The following COX15 variants were observed in gnomAD, a reference collection of about 807,000 sequenced individuals.
COX15 encodes the protein heme A synthase COX15.
A neutral mutation model predicts 51.9 loss-of-function variants in COX15; 51 were observed. The observed-to-expected ratio is 0.98, with a 90% CI of 0.78 to 1.24. COX15 has a LOEUF of 1.24. Among genes scored for constraint, COX15 ranks in the 50% most tolerant of loss-of-function variants. The pLI is 0.00. For synonymous variants in COX15, 188 were observed against 190.5 expected (o/e 0.99, Z 0.11); for missense variants, 420 against 501.1 (o/e 0.84, Z 1.55).
intron 4 of COX15, among the ~76,000 whole-genome samples, chr10:99,726,415 G>A (rs150704098): frequency 1.2e-4 from 18 of 152,182 alleles, no homozygotes; most frequent in Admixed American, 8.5e-4. Flanking sequence ...ATATTTACAC[G>A]ACTGTACATG....
At position 99,714,136 on chromosome 10, in the gene COX15, C is replaced by A; in HGVS notation, c.*451G>T. 1 of 1,011,820 alleles carries A rather than the reference C, an allele frequency of 9.9e-7. No homozygotes were observed. Among genetic ancestry groups the A allele is most frequent in the Non-Finnish European group, 1.2e-6 (1 of 845,746 alleles). 62.7% of individuals were successfully genotyped at this position (1,011,820 alleles called of 1,614,324 possible). On this transcript the variant is annotated 3_prime_UTR_variant, in exon 9 of 9. Transcript: ENST00000016171. ...TTAGCTTTTTTTTTTTTGCTGAAGACCAGCTGGCTACTTTGGGTATGTCAA... is the reference window on the plus strand; with the variant it reads ...TTAGCTTTTTTTTTTTTGCTGAAGAACAGCTGGCTACTTTGGGTATGTCAA...
At chr10:99,725,087 A>T (rs2036907516) in intron 4 of COX15, among the ~76,000 whole-genome samples, 1 of 152,256 alleles carries the variant, frequency 6.6e-6, no homozygotes, top group Non-Finnish European at 1.5e-5. Flanking sequence ...TATGTATCAT[A>T]TTCTATGATT....
intron 7 of COX15, 113 bp from the exon 8 acceptor site, chr10:99,716,574 G>C (rs1270497436): frequency 5.5e-6 from 4 of 731,192 alleles, no homozygotes; most frequent in Non-Finnish European, 9.7e-6. Flanking sequence ...TCCTGTACCA[G>C]TCACAGAGAA....
chr10:99,696,995 C>T, the COX15 span, among the ~76,000 whole-genome samples: 1 of 152,216 alleles, frequency 6.6e-6, no homozygotes, highest in Admixed American at 6.5e-5. Flanking sequence ...GCAAACAACA[C>T]ACTTACCTAC....
the COX15 span, among the ~76,000 whole-genome samples, chr10:99,703,060 C>G: frequency 6.6e-6 from 1 of 152,192 alleles, no homozygotes; most frequent in Non-Finnish European, 1.5e-5. Flanking sequence ...GGTAGGATGT[C>G]TAGAGCAATC....
At chr10:99,703,767 G>A in the COX15 span, among the ~76,000 whole-genome samples, 1 of 152,096 alleles carries the variant, frequency 6.6e-6, no homozygotes, top group Non-Finnish European at 1.5e-5. Flanking sequence ...CCCAGGCTGA[G>A]TGTGGTGGCA....
At position 99,711,101 on chromosome 10, in the gene COX15, C is replaced by CA. The variant is rs11405417; in HGVS notation, c.*3485dup. 0.85 allele frequency: 829,605 copies of CA among 975,856 alleles called. 352,993 individuals carry two copies. The highest frequency in any genetic ancestry group is 0.89 in the Middle Eastern group (1,695 of 1,902). 60.4% of individuals were successfully genotyped at this position (975,856 alleles called of 1,614,324 possible). ...GGGAGTGCTGGGAATAACATAAATA[C>CA]AAAAAAAACCCTAAGATAATCATTC... On this transcript the variant is annotated 3_prime_UTR_variant, in exon 9 of 9. Coordinates refer to ENST00000016171, the MANE Select transcript of COX15 (RefSeq NM_078470.6).
intron 1 of COX15, among the ~76,000 whole-genome samples, chr10:99,730,574 A>C (rs1263574517): frequency 9.7e-6 from 1 of 103,346 alleles, no homozygotes; most frequent in Admixed American, 1.1e-4. Context: ...ATGAAGTGAG[A>C]CTCCATCTCT....
the COX15 span, chr10:99,702,621 G>A: frequency 6.2e-7 from 1 of 1,613,714 alleles, no homozygotes; most frequent in Non-Finnish European, 8.5e-7. Context: ...TGACCGAGAG[G>A]TTCAGTGGAC....
chr10:99,708,755 A>T, downstream of COX15: 2 of 855,378 alleles, frequency 2.3e-6, no homozygotes, highest in Non-Finnish European at 2.8e-6. Flanking sequence ...CCCTTGATTT[A>T]TATGGGTGAT....
At chr10:99,704,389 G>GT in the COX15 span, 1 of 1,535,096 alleles carries the variant, frequency 6.5e-7, no homozygotes, top group Non-Finnish European at 9.0e-7. Flanking sequence ...TTTCAAATCA[G>GT]TAAATGTCTC....
chr10:99,709,309 C>T (rs2036313317), downstream of COX15: 4 of 985,184 alleles, frequency 4.1e-6, no homozygotes, highest in South Asian at 1.9e-4. Context: ...ATCTAATTGT[C>T]CTTTTTGCTG....
At chr10:99,719,544 G>A (rs6584319) in intron 6 of COX15, among the ~76,000 whole-genome samples, 127,851 of 152,010 alleles carry the variant, frequency 0.84, 54,001 homozygotes, top group Middle Eastern at 0.92. Context: ...AGGCTGGAGT[G>A]CAGCAGCGCA....
At chr10:99,710,047 C>T (rs549833297), downstream of COX15, 1 of 985,428 alleles carries the variant, frequency 1.0e-6, no homozygotes, top group South Asian at 4.7e-5. Context: ...TATAGCCACA[C>T]ATGCATGACT....
chr10:99,694,694 G>A, the COX15 span, among the ~76,000 whole-genome samples: 1 of 151,950 alleles, frequency 6.6e-6, no homozygotes, highest in African/African-American at 2.4e-5. Context: ...CCACCACCAT[G>A]CCTGGCTAAT....
Position 99,711,065 on chromosome 10 carries a change from GAT to G in COX15, c.*3520_*3521del. 2 of 983,354 alleles carry G rather than the reference GAT, an allele frequency of 2.0e-6. No individual in the cohort carries two copies. The highest frequency in any genetic ancestry group is 2.4e-6 in the Non-Finnish European group (2 of 829,516). 60.9% of individuals were successfully genotyped at this position (983,354 alleles called of 1,614,324 possible). A position where few individuals can be genotyped will look rare whatever the true frequency, so the allele number is the denominator to read the frequency against. On this transcript the variant is annotated 3_prime_UTR_variant, in exon 9 of 9. Coordinates refer to ENST00000016171, the MANE Select transcript of COX15 (RefSeq NM_078470.6). ...TCATGCATTCACTAATTCAATATTTGATATGTGTCTGGGAGTGCTGGGAATAA... is the reference window on the plus strand; with the variant it reads ...TCATGCATTCACTAATTCAATATTTGATGTGTCTGGGAGTGCTGGGAATAA...
chr10:99,709,280 A>C, downstream of COX15: 2 of 985,400 alleles, frequency 2.0e-6, no homozygotes, highest in Non-Finnish European at 2.4e-6. Context: ...TAAACTTTTC[A>C]AATTAATTCA....
At position 99,715,986 on chromosome 10, in the gene COX15, CTTTTTTT is replaced by C. The variant is rs35354032; in HGVS notation, c.1101+355_1101+361del. Among the ~76,000 whole-genome samples, 16 of 130,180 alleles carry C rather than the reference CTTTTTTT, an allele frequency of 1.2e-4. No individual in the cohort carries two copies. The East Asian group carries it at 3.3e-3, about 27-fold the overall frequency. The allele number at this position is 130,180 out of a possible 152,430, so 85.4% of individuals were successfully genotyped here. A position where few individuals can be genotyped will look rare whatever the true frequency, so the allele number is the denominator to read the frequency against. On this transcript the variant is annotated intron_variant, in intron 8 of 8. Transcript: ENST00000016171. ...ATTTTCTCCTAGTCTGTCACCTTTC[CTTTTTTT>C]TTTTTTTTTTTTTAAACAGACAGGG...
chr10:99,717,934 C>T (rs897158031), intron 7 of COX15, among the ~76,000 whole-genome samples: 1 of 152,186 alleles, frequency 6.6e-6, no homozygotes, highest in African/African-American at 2.4e-5. Flanking sequence ...ACTGGTGAAG[C>T]TCCTGGCTCC....
Sources: allele counts gnomAD v4.1 joint callset (sites outside exome capture counted in the v4.1 genomes callset), GRCh38; gene constraint gnomAD v4.1.1; transcripts MANE v1.5; gene names NCBI Gene and HGNC (gene_info 2026-07-23, HGNC 2026-07-21).